RUNX1T1: variants seen among roughly 807,000 people sequenced by gnomAD.
The protein encoded by RUNX1T1 is protein CBFA2T1.
RUNX1T1 carries 4 observed loss-of-function variants against 62.8 expected under a neutral mutation model. That is an observed-to-expected ratio of 0.06 (90% CI 0.03 to 0.15). The LOEUF (loss-of-function observed/expected upper bound fraction) is 0.15, where lower values mean the gene tolerates loss of function less well. RUNX1T1 is among the 10% of genes least tolerant of loss of function. The pLI is 1.00. For missense variants in RUNX1T1, 508 were observed against 754.3 expected, an observed-to-expected ratio of 0.67 and a Z score of 3.82; for synonymous variants, 291 against 286.0, an observed-to-expected ratio of 1.02 and a Z score of -0.18.
intron 1 of RUNX1T1, among the ~76,000 whole-genome samples, chr8:92,054,935 A>G (rs1830798129): frequency 6.6e-6 from 1 of 151,996 alleles, no homozygotes; most frequent in South Asian, 2.1e-4. Flanking sequence ...AACCCGGGAG[A>G]TGGAGGTTGC....
chr8:92,083,086 C>G (rs1439426139), intron 1 of RUNX1T1, among the ~76,000 whole-genome samples: 1 of 152,160 alleles, frequency 6.6e-6, no homozygotes, highest in Admixed American at 6.5e-5. Context: ...TTTCAAGAAG[C>G]TTATCCTTTA....
chr8:92,029,993 A>G (rs6988317), intron 1 of RUNX1T1, among the ~76,000 whole-genome samples: 31,307 of 152,172 alleles, frequency 0.21, 3,309 homozygotes, highest in Middle Eastern at 0.26. Flanking sequence ...ATGGTTTACC[A>G]TAACTCTTAG....
At chr8:92,059,473 T>C (rs1207281663) in intron 1 of RUNX1T1, among the ~76,000 whole-genome samples, 3 of 152,238 alleles carry the variant, frequency 2.0e-5, no homozygotes, top group Non-Finnish European at 4.4e-5. Flanking sequence ...ACACAGTGGC[T>C]ATAAATGCCA....
chr8:91,968,349 G>A (rs1812073425), intron 10 of RUNX1T1, among the ~76,000 whole-genome samples: 1 of 152,168 alleles, frequency 6.6e-6, no homozygotes, highest in Non-Finnish European at 1.5e-5. Flanking sequence ...AAAGTGGGAG[G>A]TGTGGTTGCC....
chr8:92,011,074 A>G (rs764186578), exon 4 of RUNX1T1: 1 of 1,604,264 alleles, frequency 6.2e-7, no homozygotes, highest in Middle Eastern at 1.7e-4. Context: ...GAAATTCTTC[A>G]ATTGTCAAAG....
At chr8:92,033,414 C>A (rs1476041625) in intron 1 of RUNX1T1, among the ~76,000 whole-genome samples, 2 of 152,160 alleles carry the variant, frequency 1.3e-5, no homozygotes, top group African/African-American at 4.8e-5. Context: ...TAGAAGGGTA[C>A]GTATAATAAT....
chr8:92,024,260 G>A (rs1306762222), intron 1 of RUNX1T1, among the ~76,000 whole-genome samples: 1 of 151,656 alleles, frequency 6.6e-6, no homozygotes, highest in African/African-American at 2.4e-5. Context: ...TGTAATTCCA[G>A]CATTTTGTGA....
chr8:92,013,534 A>G (rs1822392982), intron 3 of RUNX1T1, among the ~76,000 whole-genome samples: 1 of 152,148 alleles, frequency 6.6e-6, no homozygotes, highest in Non-Finnish European at 1.5e-5. Flanking sequence ...TAAATAATCT[A>G]TTTCAAGAAA....
intron 1 of RUNX1T1, among the ~76,000 whole-genome samples, chr8:92,031,039 A>G (rs1407001722): frequency 5.9e-5 from 9 of 152,178 alleles, no homozygotes; most frequent in Non-Finnish European, 4.4e-5. Flanking sequence ...GCCTCCTCCT[A>G]TATTTCAATC....
chr8:92,084,890 C>A (rs1354843242), intron 1 of RUNX1T1, among the ~76,000 whole-genome samples: 5 of 152,160 alleles, frequency 3.3e-5, no homozygotes, highest in Non-Finnish European at 7.3e-5. Context: ...TCCATCAGGG[C>A]CAGATCGTCT....
At chr8:92,085,011 C>T (rs1156712074) in intron 1 of RUNX1T1, among the ~76,000 whole-genome samples, 1 of 152,190 alleles carries the variant, frequency 6.6e-6, no homozygotes, top group African/African-American at 2.4e-5. Context: ...AAAAAGCAAC[C>T]CTTTACTGAA....
intron 3 of RUNX1T1, 107 bp from the exon 5 acceptor site, chr8:92,011,198 A>G: frequency 1.6e-6 from 1 of 634,766 alleles, no homozygotes; most frequent in Non-Finnish European, 2.8e-6. Context: ...ATAACAAGCA[A>G]ACATACTGAC....
At chr8:91,989,422 T>G (rs1817213328) in intron 6 of RUNX1T1, among the ~76,000 whole-genome samples, 1 of 152,204 alleles carries the variant, frequency 6.6e-6, no homozygotes, top group African/African-American at 2.4e-5. Flanking sequence ...CACTATTGGT[T>G]TTATAAGCTA....
chr8:92,100,674 T>C (rs1837993341), upstream of RUNX1T1, among the ~76,000 whole-genome samples: 1 of 152,022 alleles, frequency 6.6e-6, no homozygotes, highest in Non-Finnish European at 1.5e-5. Context: ...TTGTCAGACT[T>C]CTCTGAAACA....
At chr8:92,022,603 T>C (rs1824335498) in intron 1 of RUNX1T1, among the ~76,000 whole-genome samples, 2 of 152,122 alleles carry the variant, frequency 1.3e-5, no homozygotes, top group African/African-American at 2.4e-5. Flanking sequence ...AAAGGCACTA[T>C]TCTAGCAACA....
chr8:92,040,556 A>G (rs1313129185), intron 1 of RUNX1T1, among the ~76,000 whole-genome samples: 9 of 152,202 alleles, frequency 5.9e-5, no homozygotes, highest in Non-Finnish European at 1.2e-4. Context: ...AAAACAAAAA[A>G]GGTGAAAAGG....
At chr8:92,055,264 C>A (rs1387590480) in intron 1 of RUNX1T1, among the ~76,000 whole-genome samples, 2 of 151,928 alleles carry the variant, frequency 1.3e-5, no homozygotes, top group African/African-American at 4.8e-5. Flanking sequence ...AGATAAAAAA[C>A]CAAATGGAAA....
At chr8:91,962,601 G>C (rs1810740372) in intron 10 of RUNX1T1, among the ~76,000 whole-genome samples, 2 of 152,226 alleles carry the variant, frequency 1.3e-5, no homozygotes, top group African/African-American at 2.4e-5. Flanking sequence ...ACAAAGACGT[G>C]AGCAAACGTG....
At chr8:91,991,747 G>A (rs527535809) in exon 6 of RUNX1T1, 10 of 1,614,114 alleles carry the variant, frequency 6.2e-6, no homozygotes, top group Non-Finnish European at 7.6e-6. Context: ...TGAGGTGGAG[G>A]TGGGGTAGGG....
Sources: gnomAD v4.1 joint callset for allele counts (sites outside exome capture counted in the v4.1 genomes callset) on GRCh38, gnomAD v4.1.1 for gene constraint, MANE v1.5 for transcripts, NCBI Gene and HGNC (gene_info 2026-07-23, HGNC 2026-07-21) for gene names.